Variants in GNG7 observed in about 807,000 individuals in gnomAD.
The protein encoded by GNG7 is guanine nucleotide-binding protein G(I)/G(S)/G(O) subunit gamma-7.
In GNG7, 1 loss-of-function variant was observed where a neutral mutation model predicts 4.0. The observed-to-expected ratio is 0.25, with a 90% CI of 0.09 to 1.18. GNG7 has a LOEUF of 1.18. GNG7 is among the 50% of genes most tolerant of loss of function. GNG7 has a pLI of 0.50. For missense variants in GNG7, 86 were observed against 91.9 expected, an observed-to-expected ratio of 0.94 and a Z score of 0.26; for synonymous variants, 34 against 36.9, an observed-to-expected ratio of 0.92 and a Z score of 0.29.
intron 2 of GNG7, among the ~76,000 whole-genome samples, chr19:2,607,302 G>A (rs1371611562): frequency 1.3e-5 from 2 of 151,362 alleles, no homozygotes; most frequent in East Asian, 1.9e-4. Context: ...CAGATCATCT[G>A]AGGTCGGGAG....
intron 1 of GNG7, among the ~76,000 whole-genome samples, chr19:2,667,120 G>A (rs1983330740): frequency 6.6e-6 from 1 of 152,088 alleles, no homozygotes; most frequent in Admixed American, 6.6e-5. Context: ...AGGAGTTCGA[G>A]ACCAGCCTGG....
chr19:2,684,862 GC>G (rs1268864556), intron 1 of GNG7, among the ~76,000 whole-genome samples: 1 of 152,172 alleles, frequency 6.6e-6, no homozygotes, highest in Non-Finnish European at 1.5e-5. Flanking sequence ...AGTGGCTCAC[GC>G]CTGTAATCCC....
At chr19:2,682,594 C>A (rs1406984525) in intron 1 of GNG7, among the ~76,000 whole-genome samples, 1 of 139,704 alleles carries the variant, frequency 7.2e-6, no homozygotes. Flanking sequence ...ACCCGGGAGA[C>A]GGAGGTTGCA....
intron 4 of GNG7, among the ~76,000 whole-genome samples, chr19:2,515,756 A>G (rs1383530626): frequency 6.6e-6 from 1 of 151,958 alleles, no homozygotes; most frequent in East Asian, 1.9e-4. Flanking sequence ...AATGTCCAGG[A>G]CAGGCCTATC....
At chr19:2,680,516 C>A (rs1163423122) in intron 1 of GNG7, among the ~76,000 whole-genome samples, 1 of 151,660 alleles carries the variant, frequency 6.6e-6, no homozygotes, top group African/African-American at 2.4e-5. Flanking sequence ...TGAAAAGTGA[C>A]CACATAGACT....
At chr19:2,601,028 G>C (rs550765096) in intron 2 of GNG7, among the ~76,000 whole-genome samples, 5 of 152,236 alleles carry the variant, frequency 3.3e-5, no homozygotes, top group African/African-American at 9.6e-5. Context: ...CCAGCTACTT[G>C]GGAGGCTGAA....
At chr19:2,571,951 C>T (rs1256812372) in intron 2 of GNG7, among the ~76,000 whole-genome samples, 2 of 152,116 alleles carry the variant, frequency 1.3e-5, no homozygotes, top group Admixed American at 6.6e-5. Context: ...TATCCTGTCC[C>T]ATTGGCCTAT....
rs189732215 is a variant in GNG7, at chr19:2,645,491, G to A, written c.-78+733C>T. On this transcript the variant is annotated intron_variant, in intron 2 of 4. Coordinates refer to ENST00000382159, the MANE Select transcript of GNG7 (RefSeq NM_052847.3). The stretch of plus-strand genomic sequence containing the variant: ...TGACCTCAGGTGATCCACCCATCTC[G>A]GCCTCCCAAAGTGCTGGGATTACAG... Among the ~76,000 whole-genome samples, 893 of 151,762 alleles carry A rather than the reference G, an allele frequency of 5.9e-3. 8 individuals are homozygous for A. The highest frequency in any genetic ancestry group is 0.021 in the African/African-American group (853 of 41,310).
At chr19:2,533,291 T>G (rs1377944598) in intron 3 of GNG7, among the ~76,000 whole-genome samples, 1 of 150,996 alleles carries the variant, frequency 6.6e-6, no homozygotes, top group South Asian at 2.1e-4. Flanking sequence ...ATAAAAAAAG[T>G]AAAGCAACAG....
chr19:2,559,871 C>G (rs1459301624), intron 2 of GNG7, among the ~76,000 whole-genome samples: 1 of 152,064 alleles, frequency 6.6e-6, no homozygotes, highest in Non-Finnish European at 1.5e-5. Context: ...CAGCTGCTCT[C>G]TCAGTCCTGC....
At chr19:2,541,801 C>G (rs1157748465) in intron 3 of GNG7, among the ~76,000 whole-genome samples, 1 of 151,064 alleles carries the variant, frequency 6.6e-6, no homozygotes, top group Non-Finnish European at 1.5e-5. Context: ...GTAGTCTCAG[C>G]TACTCCGGGA....
rs35162955 is a variant in GNG7, at chr19:2,514,205, GA to G, written c.*816del. 74,673 of 141,966 alleles carry G rather than the reference GA, an allele frequency of 0.53. 18,893 individuals carry two copies. The highest frequency in any genetic ancestry group is 0.59 in the Middle Eastern group (163 of 274). The allele number at this position is 141,966 out of a possible 1,614,324, so 8.8% of individuals were successfully genotyped here. On this transcript the variant is annotated 3_prime_UTR_variant, in exon 5 of 5. Transcript: ENST00000382159. ...AGAATGAAACTCCATCTCAAAAAAAGAAAAAAAAAAAAAATCCAAAAACATG... is the reference window on the plus strand; with the variant it reads ...AGAATGAAACTCCATCTCAAAAAAAGAAAAAAAAAAAAATCCAAAAACATG...
chr19:2,539,892 C>T (rs1383545576), intron 3 of GNG7, among the ~76,000 whole-genome samples: 1 of 148,846 alleles, frequency 6.7e-6, no homozygotes, highest in African/African-American at 2.5e-5. Flanking sequence ...CTCCTTCCTT[C>T]CTTCCTCCTT....
At chr19:2,526,356 C>T (rs1331638387) in intron 3 of GNG7, among the ~76,000 whole-genome samples, 5 of 151,740 alleles carry the variant, frequency 3.3e-5, no homozygotes, top group Admixed American at 6.6e-5. Context: ...CCACCCGCCT[C>T]GACCTCCCAA....
In GNG7 at chr19:2,633,524, C is replaced by T. The variant is rs1982226715; in HGVS notation, c.-78+12700G>A. Among the ~76,000 whole-genome samples the T allele has an allele frequency of 6.7e-6, 1 of 150,102 alleles. No homozygotes were observed. Among genetic ancestry groups the T allele is most frequent in the Admixed American group, 6.6e-5 (1 of 15,090 alleles). On this transcript the variant is annotated intron_variant, in intron 2 of 4. Transcript: ENST00000382159. The surrounding 1 kb of genome is among the most constrained non-coding windows in gnomAD (Gnocchi z 5.9). Reference sequence around the variant, plus strand: ...ACACACACACACACACACACACACACGAGAGGTGGCTGTGGTCTGCACACT... The same window carrying T: ...ACACACACACACACACACACACACATGAGAGGTGGCTGTGGTCTGCACACT...
intron 1 of GNG7, among the ~76,000 whole-genome samples, chr19:2,687,287 T>G (rs1024144409): frequency 5.3e-5 from 8 of 151,590 alleles, no homozygotes; most frequent in African/African-American, 1.9e-4. Flanking sequence ...CTCAAGCTCC[T>G]GGGCTCAAGC....
At chr19:2,600,274 AC>A (rs1467312611) in intron 2 of GNG7, among the ~76,000 whole-genome samples, 1 of 151,730 alleles carries the variant, frequency 6.6e-6, no homozygotes, top group Non-Finnish European at 1.5e-5. Context: ...AAAAAAAAAA[AC>A]ATTGAGGGGA....
chr19:2,602,810 A>G (rs1459294485), intron 2 of GNG7, among the ~76,000 whole-genome samples: 2 of 152,070 alleles, frequency 1.3e-5, no homozygotes, highest in African/African-American at 4.8e-5. Context: ...GCAGGTTGAT[A>G]GTTCACAGCT....
intron 1 of GNG7, among the ~76,000 whole-genome samples, chr19:2,651,333 A>C (rs1269642045): frequency 2.6e-4 from 3 of 11,630 alleles, no homozygotes; most frequent in Non-Finnish European, 4.7e-4. Context: ...CTCCCTCCCT[A>C]CCTTCCCTCC....
Sources: gnomAD v4.1 joint callset for allele counts (sites outside exome capture counted in the v4.1 genomes callset) on GRCh38, gnomAD v4.1.1 for gene constraint, Gnocchi (gnomAD v3.1) non-coding constraint, MANE v1.5 for transcripts, NCBI Gene and HGNC (gene_info 2026-07-23, HGNC 2026-07-21) for gene names.